The following PPP6C variants were observed in gnomAD, a reference collection of about 807,000 sequenced individuals.
PPP6C encodes serine/threonine-protein phosphatase 6 catalytic subunit.
Under a neutral mutation model 39.8 loss-of-function variants are expected in PPP6C, and 11 were observed. The ratio of observed to expected loss-of-function variants is 0.28; its 90% confidence interval spans 0.17 to 0.46. PPP6C has a LOEUF of 0.46. Ranked by LOEUF, PPP6C falls within the 20% of genes least tolerant of loss-of-function variation. The probability of loss-of-function intolerance (pLI) is 1.00; values close to 1 mark genes in which losing one functional copy is unlikely to be tolerated. For synonymous variants in PPP6C, 129 were observed against 130.3 expected (o/e 0.99, Z 0.07); for missense variants, 211 against 373.9 (o/e 0.56, Z 3.59).
At chr9:125,189,515 G>A in intron 1 of PPP6C, 129 bp downstream of exon 1, 14 of 1,489,484 alleles carry the variant, frequency 9.4e-6, no homozygotes, top group Non-Finnish European at 1.2e-5. Context: ...GTAGGACCGG[G>A]TCGACTGGCA....
At chr9:125,186,575 G>A (rs535478977) in intron 1 of PPP6C, among the ~76,000 whole-genome samples, 55 of 151,762 alleles carry the variant, frequency 3.6e-4, no homozygotes, top group African/African-American at 1.3e-3. Context: ...GCAAGACCCT[G>A]TCTCTACCAA....
chr9:125,150,279 GAA>G (rs1282918042), intron 6 of PPP6C, among the ~76,000 whole-genome samples: 2 of 152,124 alleles, frequency 1.3e-5, no homozygotes, highest in Non-Finnish European at 2.9e-5. Flanking sequence ...CAATAATTCT[GAA>G]AGAGATTATT....
At chr9:125,187,650 G>T (rs150452410) in intron 1 of PPP6C, among the ~76,000 whole-genome samples, 1 of 151,952 alleles carries the variant, frequency 6.6e-6, no homozygotes, top group African/African-American at 2.4e-5. Context: ...TGATAAATAA[G>T]AAGAAAAAAT....
intron 1 of PPP6C, among the ~76,000 whole-genome samples, chr9:125,189,099 G>A (rs992568833): frequency 6.6e-6 from 1 of 152,172 alleles, no homozygotes; most frequent in African/African-American, 2.4e-5. Context: ...TGGAGGAGTG[G>A]CAATGAAGAG....
chr9:125,153,065 G>A (rs895336053), intron 6 of PPP6C, among the ~76,000 whole-genome samples: 13 of 152,044 alleles, frequency 8.6e-5, no homozygotes, highest in African/African-American at 2.4e-4. Flanking sequence ...CTGAGGTCAG[G>A]AGTTCAAGAC....
At chr9:125,170,723 A>T (rs1433242528) in intron 2 of PPP6C, among the ~76,000 whole-genome samples, 1 of 152,218 alleles carries the variant, frequency 6.6e-6, no homozygotes, top group African/African-American at 2.4e-5. Context: ...ACAGAAATGA[A>T]CTGAATGAAA....
intron 1 of PPP6C, among the ~76,000 whole-genome samples, chr9:125,184,863 T>C (rs1313698878): frequency 6.8e-6 from 1 of 147,674 alleles, no homozygotes. Context: ...GCACCTGTAA[T>C]CCCAGCTGAG....
intron 1 of PPP6C, among the ~76,000 whole-genome samples, chr9:125,171,478 C>CACACACAT (rs1171157245): frequency 4.2e-4 from 35 of 83,504 alleles, no homozygotes; most frequent in African/African-American, 1.1e-3. Flanking sequence ...CACACACACA[C>CACACACAT]ATATATATAT....
At chr9:125,164,348 T>G (rs1179471971) in intron 2 of PPP6C, among the ~76,000 whole-genome samples, 3 of 146,102 alleles carry the variant, frequency 2.1e-5, no homozygotes, top group African/African-American at 5.1e-5. Flanking sequence ...TGCCTCAGCC[T>G]CCCAAGTAGC....
At chr9:125,151,300 G>C in intron 6 of PPP6C, 1 of 1,484,668 alleles carries the variant, frequency 6.7e-7, no homozygotes, top group Non-Finnish European at 9.4e-7. Flanking sequence ...CGGATGACAT[G>C]GTTGACACTT....
At chr9:125,157,445 C>A (rs937794692) in intron 4 of PPP6C, among the ~76,000 whole-genome samples, 13 of 152,144 alleles carry the variant, frequency 8.5e-5, no homozygotes, top group African/African-American at 2.7e-4. Context: ...ATGCTACATC[C>A]ATATGGTATA....
chr9:125,166,322 G>A (rs1829011186), intron 2 of PPP6C, among the ~76,000 whole-genome samples: 1 of 152,056 alleles, frequency 6.6e-6, no homozygotes, highest in South Asian at 2.1e-4. Flanking sequence ...TTTTTCATTA[G>A]TAAATTCAAA....
At chr9:125,185,281 G>A (rs1437680196) in intron 1 of PPP6C, among the ~76,000 whole-genome samples, 1 of 146,558 alleles carries the variant, frequency 6.8e-6, no homozygotes, top group Non-Finnish European at 1.5e-5. Flanking sequence ...GTCTCGCTCT[G>A]TTGGCCAGGC....
intron 1 of PPP6C, among the ~76,000 whole-genome samples, chr9:125,178,736 C>T (rs1450363854): frequency 1.3e-5 from 2 of 152,132 alleles, no homozygotes; most frequent in Non-Finnish European, 2.9e-5. Flanking sequence ...AAGCCACCCA[C>T]GTATCACCAA....
At chr9:125,162,509 C>T (rs991617236) in intron 2 of PPP6C, among the ~76,000 whole-genome samples, 3 of 146,990 alleles carry the variant, frequency 2.0e-5, no homozygotes, top group Non-Finnish European at 4.5e-5. Context: ...CACAGTGGCT[C>T]ACACTTGTAA....
chr9:125,150,169 T>A lies in PPP6C; in HGVS notation c.670-248A>T, dbSNP rs527392877. The stretch of plus-strand genomic sequence containing the variant: ...AATTTCTGGAAGAAAAAGCATTCAA[T>A]AGGTACTATGAAACAAAATTTTGTG... On this transcript the variant is annotated intron_variant, in intron 6 of 6. Transcript: ENST00000373547. Among the ~76,000 whole-genome samples the A allele has an allele frequency of 2.0e-5, 3 of 152,290 alleles. No homozygotes were observed. In the South Asian group the frequency reaches 6.2e-4, roughly 32 times the overall value.
chr9:125,175,771 T>C (rs1829285010), intron 1 of PPP6C, among the ~76,000 whole-genome samples: 1 of 152,182 alleles, frequency 6.6e-6, no homozygotes, highest in African/African-American at 2.4e-5. Flanking sequence ...CTACATTATA[T>C]TGAATATTTA....
At chr9:125,151,762 AAC>A (rs1405662301) in intron 6 of PPP6C, among the ~76,000 whole-genome samples, 1 of 152,232 alleles carries the variant, frequency 6.6e-6, no homozygotes, top group East Asian at 1.9e-4. Flanking sequence ...GATTGAGATT[AAC>A]TGCTGGGACT....
chr9:125,150,421 G>GGGGTGTGTGTGT (rs1554720640), intron 6 of PPP6C, among the ~76,000 whole-genome samples: 10 of 149,856 alleles, frequency 6.7e-5, no homozygotes, highest in Non-Finnish European at 1.3e-4. Flanking sequence ...CAATATAAGG[G>GGGGTGTGTGTGT]GTGTGTGTGT....
Sources: allele counts gnomAD v4.1 joint callset (sites outside exome capture counted in the v4.1 genomes callset), GRCh38; gene constraint gnomAD v4.1.1; transcripts MANE v1.5; gene names NCBI Gene and HGNC (gene_info 2026-07-23, HGNC 2026-07-21).